NIPAL2: variants seen among roughly 807,000 people sequenced by gnomAD.
NIPAL2 encodes the protein NIPA-like protein 2.
Under a neutral mutation model 48.9 loss-of-function variants are expected in NIPAL2, and 43 were observed. The observed-to-expected ratio is 0.88, with a 90% CI of 0.69 to 1.13. The LOEUF (loss-of-function observed/expected upper bound fraction) is 1.13. Among genes scored for constraint, NIPAL2 ranks in the 50% most tolerant of loss-of-function variants. NIPAL2 has a pLI of 0.00. For missense variants in NIPAL2, 446 were observed against 461.4 expected, an observed-to-expected ratio of 0.97 and a Z score of 0.31; for synonymous variants, 167 against 174.6, an observed-to-expected ratio of 0.96 and a Z score of 0.34.
intron 4 of NIPAL2, among the ~76,000 whole-genome samples, chr8:98,224,993 G>C (rs1317042922): frequency 6.6e-6 from 1 of 152,008 alleles, no homozygotes; most frequent in Non-Finnish European, 1.5e-5. Flanking sequence ...TTGACATCAG[G>C]TGATCTGCCC....
intron 4 of NIPAL2, among the ~76,000 whole-genome samples, chr8:98,224,081 C>T (rs1228474906): frequency 6.6e-6 from 1 of 152,178 alleles, no homozygotes; most frequent in African/African-American, 2.4e-5. Flanking sequence ...TATCAAGCTC[C>T]TCTGCCAGAC....
intron 5 of NIPAL2, among the ~76,000 whole-genome samples, chr8:98,219,632 A>G (rs1311075241): frequency 6.6e-6 from 1 of 152,132 alleles, no homozygotes; most frequent in East Asian, 1.9e-4. Flanking sequence ...GGGAATGTAA[A>G]TACTCTAGAA....
At chr8:98,249,631 C>T (rs963336351) in intron 3 of NIPAL2, among the ~76,000 whole-genome samples, 12 of 145,146 alleles carry the variant, frequency 8.3e-5, no homozygotes, top group Non-Finnish European at 4.5e-5. Flanking sequence ...TAACATAATA[C>T]AATTTAATAT....
At chr8:98,275,236 C>T (rs1815394850) in intron 1 of NIPAL2, among the ~76,000 whole-genome samples, 1 of 152,044 alleles carries the variant, frequency 6.6e-6, no homozygotes, top group Non-Finnish European at 1.5e-5. Flanking sequence ...ATAAGACTCC[C>T]TTGTATTACC....
intron 1 of NIPAL2, among the ~76,000 whole-genome samples, chr8:98,272,370 C>G (rs898340268): frequency 6.6e-6 from 1 of 151,838 alleles, no homozygotes; most frequent in African/African-American, 2.4e-5. Context: ...GACTGTGCTG[C>G]GAAAAATTGT....
intron 4 of NIPAL2, among the ~76,000 whole-genome samples, chr8:98,226,859 G>T (rs908808769): frequency 6.6e-6 from 1 of 152,202 alleles, no homozygotes; most frequent in Non-Finnish European, 1.5e-5. Flanking sequence ...AGGGTGACAA[G>T]TTCCCCTAGG....
intron 1 of NIPAL2, among the ~76,000 whole-genome samples, chr8:98,271,070 C>A (rs559329820): frequency 7.2e-5 from 11 of 152,148 alleles, no homozygotes; most frequent in South Asian, 4.1e-4. Flanking sequence ...TATTTTTGTA[C>A]CAGTATCATG....
intron 1 of NIPAL2, among the ~76,000 whole-genome samples, chr8:98,293,379 A>G (rs1816593281): frequency 6.6e-6 from 1 of 152,212 alleles, no homozygotes; most frequent in South Asian, 2.1e-4. Context: ...TGTTAAATGT[A>G]TATTTCCAGT....
chr8:98,256,011 T>C (rs1813869989), intron 1 of NIPAL2, among the ~76,000 whole-genome samples: 1 of 152,104 alleles, frequency 6.6e-6, no homozygotes, highest in Admixed American at 6.6e-5. Context: ...TTCATCAAGA[T>C]TAAAAACTTA....
At chr8:98,260,799 C>G (rs1039160182) in intron 1 of NIPAL2, among the ~76,000 whole-genome samples, 1 of 152,258 alleles carries the variant, frequency 6.6e-6, no homozygotes, top group Non-Finnish European at 1.5e-5. Flanking sequence ...TGCCTGCCTG[C>G]CTCTGTAGGC....
At chr8:98,257,335 T>TTTTC (rs1323974809) in intron 1 of NIPAL2, among the ~76,000 whole-genome samples, 7 of 141,484 alleles carry the variant, frequency 4.9e-5, no homozygotes, top group African/African-American at 1.8e-4. Flanking sequence ...CTATATATTT[T>TTTTC]TTTCTTTCTT....
chr8:98,222,638 C>A (rs1811956715), intron 4 of NIPAL2, 38 bp from the exon 5 acceptor site: 6 of 1,605,872 alleles, frequency 3.7e-6, no homozygotes, highest in South Asian at 1.1e-5. Context: ...AAATTGAAAC[C>A]AACCTAAAGC....
chr8:98,252,418 T>C, intron 3 of NIPAL2, 45 bp downstream of exon 3: 1 of 1,500,588 alleles, frequency 6.7e-7, no homozygotes, highest in Non-Finnish European at 8.9e-7. Context: ...TCTCCGATTA[T>C]TCTGCTCTTT....
intron 4 of NIPAL2, among the ~76,000 whole-genome samples, chr8:98,231,079 G>T (rs1356257804): frequency 6.6e-6 from 1 of 152,138 alleles, no homozygotes; most frequent in African/African-American, 2.4e-5. Flanking sequence ...TCCAGTTATT[G>T]CTTTTGTGGG....
intron 5 of NIPAL2, 54 bp downstream of exon 5, chr8:98,222,425 C>A: frequency 6.4e-7 from 1 of 1,568,724 alleles, no homozygotes; most frequent in Non-Finnish European, 8.7e-7. Context: ...TCTGCATGGA[C>A]CAGTGGTCTG....
intron 4 of NIPAL2, among the ~76,000 whole-genome samples, chr8:98,235,464 G>A (rs915360703): frequency 2.0e-5 from 3 of 152,266 alleles, no homozygotes; most frequent in Middle Eastern, 3.4e-3. Flanking sequence ...CTACTTTTGG[G>A]AAAAGCCAAA....
intron 1 of NIPAL2, among the ~76,000 whole-genome samples, chr8:98,254,362 C>A (rs893002971): frequency 6.6e-6 from 1 of 152,068 alleles, no homozygotes; most frequent in East Asian, 1.9e-4. Context: ...AATAGTTATT[C>A]GGGTTTTTCC....
intron 5 of NIPAL2, chr8:98,217,082 A>C: frequency 1.0e-6 from 1 of 985,462 alleles, no homozygotes; most frequent in Non-Finnish European, 1.2e-6. Context: ...CATTTTGGCA[A>C]GGATGGGGAT....
chr8:98,227,225 G>A (rs1047487733), intron 4 of NIPAL2, among the ~76,000 whole-genome samples: 3 of 152,060 alleles, frequency 2.0e-5, no homozygotes, highest in Non-Finnish European at 2.9e-5. Context: ...GACCCCAAGA[G>A]CCCTCTTGGT....
Sources: gnomAD v4.1 joint callset for allele counts (sites outside exome capture counted in the v4.1 genomes callset) on GRCh38, gnomAD v4.1.1 for gene constraint, MANE v1.5 for transcripts, NCBI Gene and HGNC (gene_info 2026-07-23, HGNC 2026-07-21) for gene names.